The following KCNIP4 variants were observed in gnomAD, a reference collection of about 807,000 sequenced individuals.
KCNIP4 encodes the protein potassium voltage-gated channel interacting protein 4.
Under a neutral mutation model 34.0 loss-of-function variants are expected in KCNIP4, and 12 were observed. The observed-to-expected ratio is 0.35, with a 90% CI of 0.23 to 0.57. The LOEUF (loss-of-function observed/expected upper bound fraction) is 0.57, where lower values mean the gene tolerates loss of function less well. Among genes scored for constraint, KCNIP4 ranks in the 20% least tolerant of loss-of-function variants. KCNIP4 has a pLI of 0.83. For synonymous variants in KCNIP4, 124 were observed against 102.2 expected, an observed-to-expected ratio of 1.21 and a Z score of -1.29; for missense variants, 238 against 311.7, an observed-to-expected ratio of 0.76 and a Z score of 1.78.
intron 1 of KCNIP4, among the ~76,000 whole-genome samples, chr4:21,299,499 T>G (rs1053832063): frequency 1.3e-5 from 2 of 152,128 alleles, no homozygotes; most frequent in Admixed American, 6.5e-5. Context: ...GTAAAAAGAT[T>G]GTATGTTTAA....
At chr4:21,030,251 G>C (rs540785117) in intron 1 of KCNIP4, among the ~76,000 whole-genome samples, 22 of 152,220 alleles carry the variant, frequency 1.4e-4, no homozygotes, top group Admixed American at 3.9e-4. Context: ...ATTGTGAACT[G>C]TGCATGCAAG....
intron 1 of KCNIP4, among the ~76,000 whole-genome samples, chr4:21,860,555 T>C (rs1304184017): frequency 6.6e-6 from 1 of 152,174 alleles, no homozygotes; most frequent in African/African-American, 2.4e-5. Flanking sequence ...CTCACCTAAA[T>C]ATGCTTAAAA....
intron 1 of KCNIP4, among the ~76,000 whole-genome samples, chr4:20,958,373 C>G (rs1033463879): frequency 6.6e-6 from 1 of 152,160 alleles, no homozygotes; most frequent in Non-Finnish European, 1.5e-5. Context: ...AGTCAGACTT[C>G]GACCAAAGTC....
chr4:21,557,486 G>C (rs148635018), intron 1 of KCNIP4, among the ~76,000 whole-genome samples: 67 of 152,242 alleles, frequency 4.4e-4, no homozygotes, highest in African/African-American at 1.5e-3. Context: ...TAATATTTTA[G>C]TGGTGATTTT....
At chr4:21,700,820 T>C (rs550898444) in intron 1 of KCNIP4, among the ~76,000 whole-genome samples, 1 of 152,306 alleles carries the variant, frequency 6.6e-6, no homozygotes, top group Admixed American at 6.5e-5. Context: ...CATATGGTTA[T>C]CCAGTTTTCC....
At chr4:20,864,042 A>G (rs1440468328) in intron 2 of KCNIP4, among the ~76,000 whole-genome samples, 1 of 95,862 alleles carries the variant, frequency 1.0e-5, no homozygotes, top group Non-Finnish European at 2.1e-5. Context: ...ATGTATGTAT[A>G]CGCATGTATG....
At chr4:21,571,334 T>C (rs1238785060) in intron 1 of KCNIP4, among the ~76,000 whole-genome samples, 3 of 152,190 alleles carry the variant, frequency 2.0e-5, no homozygotes, top group African/African-American at 4.8e-5. Flanking sequence ...CCAGCTGTTA[T>C]AGCATATGTG....
At chr4:20,840,305 G>C in intron 3 of KCNIP4, among the ~76,000 whole-genome samples, 1 of 152,120 alleles carries the variant, frequency 6.6e-6, no homozygotes, top group East Asian at 1.9e-4. Context: ...ATAAATGTGT[G>C]ATTGTATATT....
chr4:20,820,295 T>A (rs1177830251), intron 3 of KCNIP4, among the ~76,000 whole-genome samples: 6 of 152,166 alleles, frequency 3.9e-5, no homozygotes, highest in African/African-American at 1.4e-4. Context: ...ATCCTGTTTA[T>A]AAAGTGGCAA....
intron 1 of KCNIP4, among the ~76,000 whole-genome samples, chr4:21,703,552 T>C (rs1272908564): frequency 1.3e-5 from 2 of 152,112 alleles, no homozygotes; most frequent in Non-Finnish European, 2.9e-5. Flanking sequence ...TGTCATAGGA[T>C]ACTAGCTAAG....
At chr4:21,035,105 T>G (rs1253519650) in intron 1 of KCNIP4, among the ~76,000 whole-genome samples, 1 of 152,200 alleles carries the variant, frequency 6.6e-6, no homozygotes, top group Admixed American at 6.5e-5. Flanking sequence ...AGGCTGGCAG[T>G]TGTGGAAAGA....
chr4:21,121,812 C>T (rs550864056), intron 1 of KCNIP4, among the ~76,000 whole-genome samples: 1 of 152,298 alleles, frequency 6.6e-6, no homozygotes, highest in East Asian at 1.9e-4. Context: ...AAAAGGACCC[C>T]ATGCAAGGAT....
chr4:20,965,647 C>T (rs1734266465), intron 1 of KCNIP4, among the ~76,000 whole-genome samples: 1 of 152,160 alleles, frequency 6.6e-6, no homozygotes, highest in Non-Finnish European at 1.5e-5. Flanking sequence ...TCATTTTAGA[C>T]AGCCATTGGC....
intron 1 of KCNIP4, among the ~76,000 whole-genome samples, chr4:21,481,483 T>C (rs563549804): frequency 5.9e-5 from 9 of 152,292 alleles, no homozygotes; most frequent in African/African-American, 1.2e-4. Flanking sequence ...TGAAGGGTCA[T>C]AGTGGCTTGG....
At chr4:21,155,912 A>T (rs1753115973) in intron 1 of KCNIP4, among the ~76,000 whole-genome samples, 1 of 152,090 alleles carries the variant, frequency 6.6e-6, no homozygotes, top group African/African-American at 2.4e-5. Flanking sequence ...TATTTTCTAT[A>T]TTGTACACTT....
chr4:21,888,153 A>C (rs1726893480), intron 1 of KCNIP4, among the ~76,000 whole-genome samples: 1 of 152,144 alleles, frequency 6.6e-6, no homozygotes, highest in Non-Finnish European at 1.5e-5. Flanking sequence ...ACTTACCCCA[A>C]GGTCTCACAG....
At chr4:21,173,490 G>A (rs192123813) in intron 1 of KCNIP4, among the ~76,000 whole-genome samples, 37 of 152,266 alleles carry the variant, frequency 2.4e-4, no homozygotes, top group African/African-American at 8.9e-4. Context: ...CCTTCCGGGT[G>A]CGGTGATCAC....
intron 1 of KCNIP4, among the ~76,000 whole-genome samples, chr4:21,380,492 A>G (rs747599727): frequency 1.3e-5 from 2 of 151,136 alleles, no homozygotes; most frequent in Non-Finnish European, 2.9e-5. Context: ...AGAGAGGGAG[A>G]GAGAGAGATC....
chr4:21,816,611 C>A (rs1476010957), intron 1 of KCNIP4, among the ~76,000 whole-genome samples: 2 of 152,090 alleles, frequency 1.3e-5, no homozygotes, highest in African/African-American at 4.8e-5. Flanking sequence ...TCCCATTAAC[C>A]CTTAAACTGG....
Sources: gnomAD v4.1 joint callset for allele counts (sites outside exome capture counted in the v4.1 genomes callset) on GRCh38, gnomAD v4.1.1 for gene constraint, MANE v1.5 for transcripts, NCBI Gene and HGNC (gene_info 2026-07-23, HGNC 2026-07-21) for gene names.